RBMS3: variants seen among roughly 807,000 people sequenced by gnomAD.
RBMS3 encodes RNA binding motif single stranded interacting protein 3.
A neutral mutation model predicts 66.8 loss-of-function variants in RBMS3; 27 were observed. That is an observed-to-expected ratio of 0.40 (90% confidence interval 0.30 to 0.56). The LOEUF (loss-of-function observed/expected upper bound fraction) is 0.56, where lower values mean the gene tolerates loss of function less well. Ranked by LOEUF, RBMS3 falls within the 20% of genes least tolerant of loss-of-function variation. The pLI is 0.40. For synonymous variants in RBMS3, 188 were observed against 183.0 expected (o/e 1.03, Z -0.22); for missense variants, 513 against 549.5 (o/e 0.93, Z 0.66).
chr3:29,422,376 T>C (rs2040781350), intron 1 of RBMS3, among the ~76,000 whole-genome samples: 1 of 137,728 alleles, frequency 7.3e-6, no homozygotes, highest in Non-Finnish European at 1.5e-5. Flanking sequence ...TTCCTTCTCT[T>C]ATGTAGAATA....
intron 6 of RBMS3, among the ~76,000 whole-genome samples, chr3:29,799,216 A>G (rs1273006661): frequency 6.6e-6 from 1 of 152,194 alleles, no homozygotes; most frequent in African/African-American, 2.4e-5. Flanking sequence ...GGTCAAATCA[A>G]TTCAAATATT....
chr3:29,641,622 CTTATT>C (rs1406363175), intron 4 of RBMS3, among the ~76,000 whole-genome samples: 3 of 151,938 alleles, frequency 2.0e-5, no homozygotes, highest in African/African-American at 7.3e-5. Context: ...AATTTTTTAG[CTTATT>C]TTATTGAGTT....
At chr3:29,356,918 TA>T (rs1559512684) in intron 1 of RBMS3, among the ~76,000 whole-genome samples, 1 of 152,112 alleles carries the variant, frequency 6.6e-6, no homozygotes, top group Non-Finnish European at 1.5e-5. Flanking sequence ...TGGAAATTGA[TA>T]AAAAGGGCAG....
At chr3:29,893,672 T>C (rs2060056214) in intron 8 of RBMS3, among the ~76,000 whole-genome samples, 1 of 151,572 alleles carries the variant, frequency 6.6e-6, no homozygotes, top group Admixed American at 6.6e-5. Context: ...CAAACCTTGA[T>C]TTTTCATAGA....
intron 1 of RBMS3, among the ~76,000 whole-genome samples, chr3:29,393,228 A>C (rs1054569407): frequency 6.6e-6 from 1 of 152,184 alleles, no homozygotes; most frequent in African/African-American, 2.4e-5. Flanking sequence ...ACTATTTTGG[A>C]TTCTGAGAGT....
At chr3:29,414,810 A>G (rs978832356) in intron 1 of RBMS3, among the ~76,000 whole-genome samples, 3 of 152,214 alleles carry the variant, frequency 2.0e-5, no homozygotes, top group Admixed American at 6.5e-5. Context: ...GCATCGGGGC[A>G]TAAATAAAGC....
intron 1 of RBMS3, among the ~76,000 whole-genome samples, chr3:29,353,026 C>T (rs1330358727): frequency 5.3e-5 from 8 of 151,376 alleles, no homozygotes; most frequent in East Asian, 1.9e-4. Flanking sequence ...ATACTTAATA[C>T]GTTTAAATGG....
At chr3:29,533,001 G>C (rs530468302) in intron 3 of RBMS3, among the ~76,000 whole-genome samples, 4 of 151,998 alleles carry the variant, frequency 2.6e-5, no homozygotes, top group African/African-American at 4.8e-5. Flanking sequence ...TGCCTTAAAA[G>C]TTTCTGATTA....
At chr3:29,365,225 GAAT>G (rs908094859) in intron 1 of RBMS3, among the ~76,000 whole-genome samples, 3 of 151,990 alleles carry the variant, frequency 2.0e-5, no homozygotes, top group African/African-American at 7.2e-5. Context: ...TTTATAAATG[GAAT>G]AATATTTGTG....
intron 4 of RBMS3, among the ~76,000 whole-genome samples, chr3:29,656,688 A>G (rs980253005): frequency 6.6e-6 from 1 of 152,050 alleles, no homozygotes; most frequent in Non-Finnish European, 1.5e-5. Flanking sequence ...TTCTGTGTAG[A>G]TACCTTAGGA....
intron 1 of RBMS3, among the ~76,000 whole-genome samples, chr3:29,288,279 C>G (rs1427235678): frequency 1.3e-5 from 2 of 151,832 alleles, no homozygotes; most frequent in African/African-American, 4.8e-5. Context: ...TCTTTTGTTC[C>G]CAGATGCTTT....
intron 6 of RBMS3, among the ~76,000 whole-genome samples, chr3:29,805,462 T>C (rs1042812298): frequency 2.6e-5 from 4 of 152,034 alleles, no homozygotes; most frequent in African/African-American, 7.2e-5. Context: ...AGGAAGTATT[T>C]CAGAAGAAGT....
At chr3:29,352,254 A>G (rs2036961770) in intron 1 of RBMS3, among the ~76,000 whole-genome samples, 2 of 152,160 alleles carry the variant, frequency 1.3e-5, no homozygotes, top group South Asian at 4.1e-4. Context: ...ACACTAATTT[A>G]TGGATAATTC....
chr3:29,553,067 G>A (rs975387619), intron 3 of RBMS3, among the ~76,000 whole-genome samples: 3 of 152,150 alleles, frequency 2.0e-5, no homozygotes, highest in African/African-American at 7.2e-5. Context: ...TGAGCATTAA[G>A]TACGTTCATA....
intron 3 of RBMS3, among the ~76,000 whole-genome samples, chr3:29,563,667 A>G (rs1486750502): frequency 6.6e-6 from 1 of 152,240 alleles, no homozygotes; most frequent in African/African-American, 2.4e-5. Context: ...ACACCAAAAA[A>G]TAACTTTTTA....
intron 1 of RBMS3, among the ~76,000 whole-genome samples, chr3:29,330,954 T>A (rs1453499668): frequency 6.6e-6 from 1 of 152,170 alleles, no homozygotes; most frequent in Non-Finnish European, 1.5e-5. Context: ...AGTAGTGTCC[T>A]TCCCTTCCTG....
chr3:29,641,180 T>A (rs1403645513), intron 4 of RBMS3: 2 of 152,064 alleles, frequency 1.3e-5, no homozygotes, highest in Non-Finnish European at 2.9e-5. Context: ...AATCTATTCA[T>A]ACATATTGTA....
chr3:29,999,765 G>C (rs1046812594), intron 14 of RBMS3, among the ~76,000 whole-genome samples: 1 of 151,900 alleles, frequency 6.6e-6, no homozygotes, highest in African/African-American at 2.4e-5. Flanking sequence ...TTGTGGGGTG[G>C]GGGGAGTGGG....
intron 10 of RBMS3, among the ~76,000 whole-genome samples, chr3:29,901,263 G>C (rs1432654668): frequency 6.6e-6 from 1 of 151,742 alleles, no homozygotes; most frequent in Non-Finnish European, 1.5e-5. Flanking sequence ...GCCAACGGAG[G>C]AAAAGGAAAG....
Sources: gnomAD v4.1 joint callset for allele counts (sites outside exome capture counted in the v4.1 genomes callset) on GRCh38, gnomAD v4.1.1 for gene constraint, MANE v1.5 for transcripts, NCBI Gene and HGNC (gene_info 2026-07-23, HGNC 2026-07-21) for gene names.